The following MAOA variants were observed in gnomAD, a reference collection of about 807,000 sequenced individuals.
The protein encoded by MAOA is monoamine oxidase A.
Under a neutral mutation model 42.0 loss-of-function variants are expected in MAOA, and 6 were observed. The ratio of observed to expected loss-of-function variants is 0.14; its 90% CI spans 0.08 to 0.28. The LOEUF is 0.28. Among genes scored for constraint, MAOA ranks in the 10% least tolerant of loss-of-function variants. The pLI is 1.00. For synonymous variants in MAOA, 140 were observed against 154.0 expected, an observed-to-expected ratio of 0.91 and a Z score of 0.67; for missense variants, 262 against 422.3, an observed-to-expected ratio of 0.62 and a Z score of 3.33.
chrX:43,739,538 A>G (rs1368681335), intron 10 of MAOA, among the ~76,000 whole-genome samples: 1 of 112,287 alleles, frequency 8.9e-6, no homozygotes, highest in Non-Finnish European at 1.9e-5. Flanking sequence ...AATTGGGGGC[A>G]TGTCTTTAAA....
intron 3 of MAOA, among the ~76,000 whole-genome samples, chrX:43,694,076 T>G (rs2033558947): frequency 8.9e-6 from 1 of 111,778 alleles, no homozygotes; most frequent in Non-Finnish European, 1.9e-5. Flanking sequence ...TGCCAGTGTT[T>G]TTCTTTCTCA....
intron 2 of MAOA, among the ~76,000 whole-genome samples, chrX:43,685,616 C>T (rs753883178): frequency 2.7e-5 from 3 of 111,714 alleles, no homozygotes; most frequent in East Asian, 5.6e-4. Flanking sequence ...TTCTGCTTTG[C>T]TCAGCTCTAA....
At chrX:43,737,612 G>T (rs1202637120) in intron 10 of MAOA, among the ~76,000 whole-genome samples, 2 of 111,265 alleles carry the variant, frequency 1.8e-5, no homozygotes, top group Non-Finnish European at 3.8e-5. Context: ...GGCAGAAAGG[G>T]CCTAGCTAGT....
chrX:43,675,877 G>A (rs933113608), intron 1 of MAOA, among the ~76,000 whole-genome samples: 4 of 112,194 alleles, frequency 3.6e-5, no homozygotes, highest in Admixed American at 9.4e-5. Context: ...CAGTTAGGCT[G>A]CTCGGGGGTC....
intron 1 of MAOA, among the ~76,000 whole-genome samples, chrX:43,664,666 T>C (rs2033261526): frequency 8.9e-6 from 1 of 112,197 alleles, no homozygotes; most frequent in South Asian, 3.7e-4. Flanking sequence ...TTGAAGACCA[T>C]TTTCTTGCTT....
At chrX:43,734,642 G>A (rs902644537) in intron 9 of MAOA, among the ~76,000 whole-genome samples, 2 of 112,023 alleles carry the variant, frequency 1.8e-5, no homozygotes, top group Non-Finnish European at 3.8e-5. Context: ...TAAACTTTTG[G>A]AAACTAGAAA....
chrX:43,693,988 A>G (rs1402193888), intron 3 of MAOA, among the ~76,000 whole-genome samples: 2 of 111,685 alleles, frequency 1.8e-5, no homozygotes, highest in Non-Finnish European at 3.8e-5. Context: ...ACTCTTGGGA[A>G]GTCTAGCTTG....
chrX:43,743,060 A>G (rs770543649), intron 12 of MAOA, among the ~76,000 whole-genome samples: 3 of 110,786 alleles, frequency 2.7e-5, no homozygotes, highest in Non-Finnish European at 5.7e-5. Context: ...AGGAGTGCCA[A>G]CGGGTTGAGA....
At chrX:43,713,810 G>A (rs973751958) in intron 5 of MAOA, among the ~76,000 whole-genome samples, 9 of 112,051 alleles carry the variant, frequency 8.0e-5, no homozygotes, top group African/African-American at 2.9e-4. Context: ...TGAAACTAAG[G>A]AGTTAGTGCA....
intron 5 of MAOA, among the ~76,000 whole-genome samples, chrX:43,720,731 C>T (rs1433394493): frequency 4.0e-4 from 39 of 96,707 alleles, no homozygotes; most frequent in African/African-American, 1.5e-3. Context: ...GGAATTATAT[C>T]TTCCGGGAAT....
chrX:43,728,650 G>A (rs113691125), intron 6 of MAOA, among the ~76,000 whole-genome samples: 1,149 of 112,291 alleles, frequency 0.01, 21 homozygotes, highest in African/African-American at 0.036. Flanking sequence ...TACAATTATT[G>A]TACTTAAAAT....
At chrX:43,737,884 A>G (rs749169546) in intron 10 of MAOA, among the ~76,000 whole-genome samples, 31 of 111,453 alleles carry the variant, frequency 2.8e-4, no homozygotes, top group Non-Finnish European at 4.3e-4. Flanking sequence ...TTCCCTCCTT[A>G]TTAATAGTAA....
intron 2 of MAOA, among the ~76,000 whole-genome samples, chrX:43,688,665 G>A (rs1331833237): frequency 8.9e-6 from 1 of 111,991 alleles, no homozygotes; most frequent in Non-Finnish European, 1.9e-5. Flanking sequence ...AAAAGAACAT[G>A]TAGTCTCTAA....
At chrX:43,676,326 G>A (rs950362881) in intron 1 of MAOA, among the ~76,000 whole-genome samples, 4 of 111,734 alleles carry the variant, frequency 3.6e-5, no homozygotes, top group African/African-American at 6.5e-5. Context: ...GGAGTGACCC[G>A]ATTTTCCAGG....
intron 3 of MAOA, among the ~76,000 whole-genome samples, chrX:43,697,930 C>G (rs1000406951): frequency 8.9e-6 from 1 of 112,085 alleles, no homozygotes; most frequent in Non-Finnish European, 1.9e-5. Context: ...TTTAAAATAT[C>G]TTAACTCTCA....
chrX:43,738,490 C>T (rs2033937296), intron 10 of MAOA, among the ~76,000 whole-genome samples: 1 of 111,613 alleles, frequency 9.0e-6, no homozygotes, highest in African/African-American at 3.3e-5. Context: ...TCAGGTTTCA[C>T]TCTGCTTTAA....
intron 8 of MAOA, 35 bp downstream of exon 8, chrX:43,731,888 T>C: frequency 2.6e-6 from 3 of 1,132,873 alleles, no homozygotes; most frequent in Non-Finnish European, 3.6e-6. Flanking sequence ...AACTGTATTA[T>C]ATGAAGAAAT....
chrX:43,728,331 T>A lies in MAOA; in HGVS notation c.645+17T>A, dbSNP rs113079594. 1 of 1,209,944 alleles carries A rather than the reference T, an allele frequency of 8.3e-7. No individual in the cohort carries two copies. Among genetic ancestry groups the A allele is most frequent in the Non-Finnish European group, 1.1e-6 (1 of 893,912 alleles). On this transcript the variant is annotated intron_variant, in intron 6 of 14. Transcript: ENST00000338702. ...GGTGGCCAGGTATGGTGTGTATGTG[T>A]CTGTTCTGAAACAAGAGCTTCATCT... is the stretch of plus-strand genomic sequence containing the variant.
rs979298078 is a variant in MAOA at position 43,732,915 on chromosome X, A to G, written c.1052+120A>G. Reference sequence around the variant, plus strand: ...CAATGATGAATAATGCTATCAAAATATATAATGTTTCCATGTGTTAAAATA... The same window carrying G: ...CAATGATGAATAATGCTATCAAAATGTATAATGTTTCCATGTGTTAAAATA... On this transcript the variant is annotated intron_variant, in intron 9 of 14. Coordinates refer to ENST00000338702, the MANE Select transcript of MAOA (RefSeq NM_000240.4). 3 of 545,344 alleles carry G rather than the reference A, an allele frequency of 5.5e-6. No individual in the cohort carries two copies. The African/African-American group carries it at 6.7e-5, about 12-fold the overall frequency. The allele number at this position is 545,344 out of a possible 1,213,427, so 44.9% of individuals were successfully genotyped here.
Sources: gnomAD v4.1 joint callset for allele counts (sites outside exome capture counted in the v4.1 genomes callset) on GRCh38, gnomAD v4.1.1 for gene constraint, MANE v1.5 for transcripts, NCBI Gene and HGNC (gene_info 2026-07-23, HGNC 2026-07-21) for gene names.